MRPS9: variants seen among roughly 807,000 people sequenced by gnomAD.
MRPS9 encodes small ribosomal subunit protein uS9m.
In MRPS9, 45 loss-of-function variants were observed where a neutral mutation model predicts 59.9. That is an observed-to-expected ratio of 0.75 (90% CI 0.59 to 0.96). The LOEUF is 0.96. Among genes scored for constraint, MRPS9 ranks in the 40% least tolerant of loss-of-function variants. MRPS9 has a pLI of 0.00. For synonymous variants in MRPS9, 171 were observed against 166.8 expected, an observed-to-expected ratio of 1.03 and a Z score of -0.19; for missense variants, 473 against 481.1, an observed-to-expected ratio of 0.98 and a Z score of 0.16.
intron 4 of MRPS9, among the ~76,000 whole-genome samples, chr2:105,073,401 A>C (rs576876414): frequency 6.6e-6 from 1 of 152,274 alleles, no homozygotes; most frequent in Admixed American, 6.5e-5. Context: ...TACTATATGT[A>C]ACTGTATGTA....
intron 5 of MRPS9, among the ~76,000 whole-genome samples, chr2:105,084,394 G>GA (rs751220289): frequency 2.2e-4 from 33 of 152,014 alleles, no homozygotes; most frequent in Non-Finnish European, 4.9e-4. Context: ...CGTATTTGGA[G>GA]AATCTCCAGT....
At chr2:105,090,066 T>C (rs994065202) in intron 7 of MRPS9, 71 bp downstream of exon 7, 27 of 808,456 alleles carry the variant, frequency 3.3e-5, no homozygotes, top group Middle Eastern at 4.7e-4. Flanking sequence ...GTATTTAGGA[T>C]CCTAATAGTA....
chr2:105,041,559 G>A (rs1272491920), intron 1 of MRPS9, among the ~76,000 whole-genome samples: 1 of 151,388 alleles, frequency 6.6e-6, no homozygotes, highest in Non-Finnish European at 1.5e-5. Flanking sequence ...CATGCTTCTG[G>A]AGGTTATAAT....
intron 1 of MRPS9, among the ~76,000 whole-genome samples, chr2:105,041,012 G>A (rs1318599584): frequency 6.6e-6 from 1 of 152,174 alleles, no homozygotes. Context: ...AGCAACAATT[G>A]GTTATAGCAT....
chr2:105,074,495 T>G (rs1263948284), intron 4 of MRPS9, among the ~76,000 whole-genome samples: 1 of 152,184 alleles, frequency 6.6e-6, no homozygotes, highest in East Asian at 1.9e-4. Context: ...AAGTAAGAAT[T>G]GTTAGCATTT....
At chr2:105,097,361 A>C (rs771899939) in intron 10 of MRPS9, 37 bp downstream of exon 10, 1 of 1,515,790 alleles carries the variant, frequency 6.6e-7, no homozygotes, top group Non-Finnish European at 8.9e-7. Flanking sequence ...GTGGCCCAAT[A>C]CTGGCTATAC....
rs780669976 is a variant in MRPS9 at position 105,071,489 on chromosome 2, G to A, written c.409G>A (p.Ala137Thr). 15 of 1,603,118 alleles carry A rather than the reference G, an allele frequency of 9.4e-6. No homozygotes were observed. In the South Asian group the frequency reaches 1.5e-4, roughly 16 times the overall value. Reference sequence around the variant, plus strand: ...TGAACAGATTTTTCCAAGACAAAGAGGTAAGTTTGTTCAAGAATGAGAGAA... The same window carrying A: ...TGAACAGATTTTTCCAAGACAAAGAAGTAAGTTTGTTCAAGAATGAGAGAA... ...HPEQIFPRQRAIQWGEDGRPF... is the reference protein window; with the variant it reads ...HPEQIFPRQRTIQWGEDGRPF... Residue 137 changes from alanine (A) to threonine (T), a missense_variant and splice_region_variant, in exon 4 of 11, where the codon GCA (alanine) becomes ACA (threonine). Physicochemically the swap from Ala to Thr is moderately conservative, Grantham distance 58. Transcript: ENST00000258455.
At chr2:105,070,546 A>G (rs1303148510) in intron 2 of MRPS9, among the ~76,000 whole-genome samples, 1 of 152,200 alleles carries the variant, frequency 6.6e-6, no homozygotes, top group Admixed American at 6.5e-5. Context: ...GCACTGTTCA[A>G]CAAGAAGGAA....
At chr2:105,068,632 T>G (rs1680046565) in intron 2 of MRPS9, among the ~76,000 whole-genome samples, 1 of 152,230 alleles carries the variant, frequency 6.6e-6, no homozygotes, top group African/African-American at 2.4e-5. Flanking sequence ...GAAATCATTT[T>G]TATTGGTTTC....
chr2:105,057,227 G>A (rs951017780), intron 2 of MRPS9, among the ~76,000 whole-genome samples: 1 of 152,060 alleles, frequency 6.6e-6, no homozygotes, highest in African/African-American at 2.4e-5. Context: ...GAGGAAAAAC[G>A]GGTAGCCTCT....
At chr2:105,084,831 A>G (rs1680416791) in intron 5 of MRPS9, among the ~76,000 whole-genome samples, 1 of 152,156 alleles carries the variant, frequency 6.6e-6, no homozygotes, top group Non-Finnish European at 1.5e-5. Context: ...TTCCTCCCAT[A>G]TGAATAATTA....
At position 105,097,324 on chromosome 2, in the gene MRPS9, G is replaced by C. The variant is rs1285453116; in HGVS notation, c.1099G>C (p.Ala367Pro). 6.2e-7 allele frequency: 1 copy of C among 1,602,512 alleles called. No individual in the cohort carries two copies. The highest frequency in any genetic ancestry group is 1.7e-5 in the Admixed American group (1 of 58,538). Residue 367 changes from alanine (A) to proline (P), a missense_variant and splice_region_variant, in exon 10 of 11, where the codon GCT (alanine) becomes CCT (proline). By Grantham distance (27) the Ala-to-Pro change is conservative. Coordinates refer to ENST00000258455, the MANE Select transcript of MRPS9 (RefSeq NM_182640.3). ...TEDEVEWMRQ[A>P]GLLTTDPRVR... Reference sequence around the variant, plus strand: ...GGACGAGGTCGAGTGGATGAGACAAGGTATGAGTCTAGGTGGGACGGGCAT... The same window carrying C: ...GGACGAGGTCGAGTGGATGAGACAACGTATGAGTCTAGGTGGGACGGGCAT...
rs1394654918 is a variant in MRPS9 at position 105,089,956 on chromosome 2, AC to A, written c.613del (p.Leu205Ter). 4 of 1,610,648 alleles carry A rather than the reference AC, an allele frequency of 2.5e-6. No homozygotes were observed. The African/African-American group carries it at 5.3e-5, about 22-fold the overall frequency. Reference sequence around the variant, plus strand: ...GCAGCAGATGGCTGATTAAGGAGGAACTAGAAGAAATGTTAGTGGAAAAACT... The same window carrying A: ...GCAGCAGATGGCTGATTAAGGAGGAATAGAAGAAATGTTAGTGGAAAAACT... Reference protein sequence around the residue: ...IGSRWLIKEELEEMLVEKLSD... With the variant: ...IGSRWLIKEEXEEMLVEKLSD... On this transcript the variant is annotated frameshift_variant, in exon 7 of 11. Transcript: ENST00000258455. LOFTEE classifies it high-confidence loss of function.
At chr2:105,039,647 C>T (rs76167581) in intron 1 of MRPS9, among the ~76,000 whole-genome samples, 1,550 of 152,240 alleles carry the variant, frequency 0.01, 27 homozygotes, top group African/African-American at 0.036. Flanking sequence ...AGTAGAAATC[C>T]TTCAGGGTCC....
At chr2:105,096,778 T>C (rs941650275) in intron 9 of MRPS9, among the ~76,000 whole-genome samples, 2 of 152,198 alleles carry the variant, frequency 1.3e-5, no homozygotes, top group Non-Finnish European at 2.9e-5. Flanking sequence ...GAAAGGCCTA[T>C]TGATTTTATA....
intron 1 of MRPS9, among the ~76,000 whole-genome samples, chr2:105,043,136 A>G (rs1448794974): frequency 1.3e-5 from 2 of 152,242 alleles, no homozygotes; most frequent in Non-Finnish European, 2.9e-5. Context: ...TTCATGTTCA[A>G]ATTTCCCTGA....
At position 105,038,071 on chromosome 2, in the gene MRPS9, TC is replaced by T; in HGVS notation, c.-20del. Reference sequence around the variant, plus strand: ...AGGCCCCGCCCCCTCACCCCTCCGGTCCTGGAGCTCCCACAGCTAACATGGC... The same window carrying T: ...AGGCCCCGCCCCCTCACCCCTCCGGTCTGGAGCTCCCACAGCTAACATGGC... On this transcript the variant is annotated 5_prime_UTR_variant, in exon 1 of 11. Transcript: ENST00000258455. 1.2e-6 allele frequency: 2 copies of T among 1,612,158 alleles called. No homozygotes were observed. The highest frequency in any genetic ancestry group is 1.7e-6 in the Non-Finnish European group (2 of 1,179,584).
At chr2:105,080,994 T>C (rs1181898123) in intron 5 of MRPS9, among the ~76,000 whole-genome samples, 3 of 152,218 alleles carry the variant, frequency 2.0e-5, no homozygotes, top group Non-Finnish European at 4.4e-5. Flanking sequence ...AAATGAATGA[T>C]AAATGTAGAG....
intron 4 of MRPS9, among the ~76,000 whole-genome samples, chr2:105,076,112 A>G (rs1680206384): frequency 6.6e-6 from 1 of 152,252 alleles, no homozygotes; most frequent in Non-Finnish European, 1.5e-5. Context: ...GAAAACATTC[A>G]CTAAAAACTA....
Sources: allele counts gnomAD v4.1 joint callset (sites outside exome capture counted in the v4.1 genomes callset), GRCh38; gene constraint gnomAD v4.1.1; transcripts MANE v1.5; gene names NCBI Gene and HGNC (gene_info 2026-07-23, HGNC 2026-07-21).